The following PKNOX2 variants were observed in gnomAD, a reference collection of about 807,000 sequenced individuals.
The protein encoded by PKNOX2 is PBX/knotted 1 homeobox 2, also known as homeobox protein PKNOX2.
A neutral mutation model predicts 53.1 loss-of-function variants in PKNOX2; 14 were observed. That is an observed-to-expected ratio of 0.26 (90% CI 0.17 to 0.41). The LOEUF is 0.41. Among genes scored for constraint, PKNOX2 ranks in the 10% least tolerant of loss-of-function variants. The pLI, the probability that PKNOX2 is intolerant of heterozygous loss-of-function variation, is 1.00. For synonymous variants in PKNOX2, 257 were observed against 242.8 expected, an observed-to-expected ratio of 1.06 and a Z score of -0.54; for missense variants, 496 against 602.8, an observed-to-expected ratio of 0.82 and a Z score of 1.85.
intron 1 of PKNOX2, among the ~76,000 whole-genome samples, chr11:125,229,886 C>T (rs995928677): frequency 6.6e-6 from 1 of 152,208 alleles, no homozygotes; most frequent in African/African-American, 2.4e-5. Flanking sequence ...GTCTTCCCAT[C>T]CCAGGCTTGG....
At chr11:125,372,172 G>A (rs114244706) in intron 5 of PKNOX2, among the ~76,000 whole-genome samples, 2,920 of 152,228 alleles carry the variant, frequency 0.019, 101 homozygotes, top group African/African-American at 0.066. Context: ...TTGATGTGCC[G>A]GCAAACGTCT....
At chr11:125,424,905 G>C (rs1031943431) in intron 10 of PKNOX2, among the ~76,000 whole-genome samples, 3 of 152,232 alleles carry the variant, frequency 2.0e-5, no homozygotes, top group Non-Finnish European at 2.9e-5. Context: ...GTCCAGAGGA[G>C]AGTTGCGTTA....
chr11:125,282,384 T>G (rs2135857048), intron 2 of PKNOX2, among the ~76,000 whole-genome samples: 1 of 152,340 alleles, frequency 6.6e-6, no homozygotes, highest in African/African-American at 2.4e-5. Flanking sequence ...CCACCAGGAC[T>G]GGCACGTCCC....
At chr11:125,258,096 C>G (rs1270016379) in intron 2 of PKNOX2, among the ~76,000 whole-genome samples, 1 of 152,146 alleles carries the variant, frequency 6.6e-6, no homozygotes, top group African/African-American at 2.4e-5. Context: ...AGGTCCCAAC[C>G]CTGGCAGAAC....
intron 6 of PKNOX2, among the ~76,000 whole-genome samples, chr11:125,387,281 C>T (rs1953703187): frequency 6.6e-6 from 1 of 152,164 alleles, no homozygotes; most frequent in African/African-American, 2.4e-5. Context: ...GGGGGTGGGG[C>T]CCACTCCCTT....
intron 5 of PKNOX2, among the ~76,000 whole-genome samples, chr11:125,369,036 A>G (rs75981021): frequency 0.029 from 4,409 of 152,314 alleles, 82 homozygotes; most frequent in Non-Finnish European, 0.046. Context: ...AATGAATAGG[A>G]AGATTGATTT....
At chr11:125,201,117 T>C (rs891567438) in intron 1 of PKNOX2, among the ~76,000 whole-genome samples, 5 of 152,210 alleles carry the variant, frequency 3.3e-5, no homozygotes, top group African/African-American at 4.8e-5. Flanking sequence ...TCCCAGGACC[T>C]TGGTTTCCAT....
intron 8 of PKNOX2, 96 bp from the exon 9 acceptor site, chr11:125,410,683 C>A: frequency 1.1e-6 from 1 of 939,742 alleles, no homozygotes; most frequent in Non-Finnish European, 1.7e-6. Context: ...AGTAGAGGGT[C>A]TTTACACATG....
intron 2 of PKNOX2, among the ~76,000 whole-genome samples, chr11:125,244,155 C>A (rs1173961982): frequency 1.3e-5 from 2 of 152,230 alleles, no homozygotes; most frequent in Non-Finnish European, 2.9e-5. Context: ...TACTGCCTTG[C>A]AAATCACCCC....
chr11:125,209,721 A>T (rs1281412047), intron 1 of PKNOX2, among the ~76,000 whole-genome samples: 2 of 152,024 alleles, frequency 1.3e-5, no homozygotes, highest in African/African-American at 4.8e-5. Flanking sequence ...CAAGATATAG[A>T]TCAGAGCCAT....
At chr11:125,254,793 T>C (rs1944286697) in intron 2 of PKNOX2, among the ~76,000 whole-genome samples, 1 of 151,768 alleles carries the variant, frequency 6.6e-6, no homozygotes, top group South Asian at 2.1e-4. Context: ...GTAACATTGA[T>C]GACGGTGTCC....
chr11:125,398,182 C>A, intron 7 of PKNOX2, 120 bp downstream of exon 7: 1 of 967,374 alleles, frequency 1.0e-6, no homozygotes, highest in Non-Finnish European at 1.5e-6. Context: ...GGTTCCTTTG[C>A]CATGAGGGCC....
At chr11:125,272,297 T>C (rs1302250875) in intron 2 of PKNOX2, among the ~76,000 whole-genome samples, 3 of 152,214 alleles carry the variant, frequency 2.0e-5, no homozygotes, top group Admixed American at 1.3e-4. Context: ...TGGTGGAATG[T>C]CTGGCTCTCG....
chr11:125,200,252 CAG>C (rs1390788882), intron 1 of PKNOX2, among the ~76,000 whole-genome samples: 2 of 152,208 alleles, frequency 1.3e-5, no homozygotes, highest in Non-Finnish European at 2.9e-5. Flanking sequence ...AAGGGATGAG[CAG>C]AGAGTCCCTC....
At chr11:125,396,083 A>G (rs1444787540) in intron 6 of PKNOX2, among the ~76,000 whole-genome samples, 3 of 151,630 alleles carry the variant, frequency 2.0e-5, no homozygotes, top group Non-Finnish European at 4.4e-5. Flanking sequence ...CCTCCCAAGT[A>G]GCTGGGACTT....
At chr11:125,398,644 C>T (rs552113037) in intron 7 of PKNOX2, among the ~76,000 whole-genome samples, 1 of 152,350 alleles carries the variant, frequency 6.6e-6, no homozygotes, top group South Asian at 2.1e-4. Context: ...GTTCCCCTGC[C>T]ACCTCCTTCC....
intron 2 of PKNOX2, among the ~76,000 whole-genome samples, chr11:125,328,966 A>G (rs1949996464): frequency 6.6e-6 from 1 of 152,216 alleles, no homozygotes; most frequent in Admixed American, 6.5e-5. Flanking sequence ...CCTTAAGACG[A>G]ACACACCTTT....
intron 6 of PKNOX2, among the ~76,000 whole-genome samples, chr11:125,393,004 TA>T (rs576280119): frequency 9.4e-4 from 136 of 145,304 alleles, no homozygotes; most frequent in Non-Finnish European, 1.4e-3. Context: ...TAAAAATACA[TA>T]AAAAAAAAAA....
chr11:125,358,464 C>T (rs1030201679), intron 4 of PKNOX2, among the ~76,000 whole-genome samples: 1 of 152,260 alleles, frequency 6.6e-6, no homozygotes, highest in Non-Finnish European at 1.5e-5. Flanking sequence ...CTGTCAGTGA[C>T]AGCCCAGGAA....
Sources: allele counts gnomAD v4.1 joint callset (sites outside exome capture counted in the v4.1 genomes callset), GRCh38; gene constraint gnomAD v4.1.1; transcripts MANE v1.5; gene names NCBI Gene and HGNC (gene_info 2026-07-23, HGNC 2026-07-21).